The following NUBPL variants were observed in gnomAD, a reference collection of about 807,000 sequenced individuals.
NUBPL encodes iron-sulfur cluster transfer protein NUBPL.
A neutral mutation model predicts 45.7 loss-of-function variants in NUBPL; 31 were observed. That is an observed-to-expected ratio of 0.68 (90% CI 0.51 to 0.92). The LOEUF is 0.92. Among genes scored for constraint, NUBPL ranks in the 40% least tolerant of loss-of-function variants. The pLI, the probability that NUBPL is intolerant of heterozygous loss-of-function variation, is 0.00. For synonymous variants in NUBPL, 144 were observed against 140.9 expected, an observed-to-expected ratio of 1.02 and a Z score of -0.15; for missense variants, 401 against 398.7, an observed-to-expected ratio of 1.01 and a Z score of -0.05.
intron 6 of NUBPL, among the ~76,000 whole-genome samples, chr14:31,680,463 C>T (rs909501879): frequency 5.9e-5 from 9 of 152,026 alleles, no homozygotes; most frequent in African/African-American, 1.9e-4. Context: ...ATGCTTTTCC[C>T]TTACCACTTA....
Position 31,643,579 on chromosome 14 carries a change from A to G in NUBPL, c.383-29776A>G, listed in dbSNP as rs377245913. Among the ~76,000 whole-genome samples the G allele has an allele frequency of 1.4e-4, 21 of 152,130 alleles. No homozygotes were observed. The East Asian group carries it at 2.3e-3, about 17-fold the overall frequency. On this transcript the variant is annotated intron_variant, in intron 4 of 10. Transcript: ENST00000281081. ...TATTTTGTTGAGGATTTTTGCATCT[A>G]TGTTCATTAGTGTTGTTGGGTCTAT...
intron 6 of NUBPL, among the ~76,000 whole-genome samples, chr14:31,723,176 C>T (rs2037849617): frequency 6.6e-6 from 1 of 152,124 alleles, no homozygotes. Context: ...GCCAGTTATC[C>T]CAGCACTGTT....
At chr14:31,821,449 T>C (rs561687369) in intron 7 of NUBPL, among the ~76,000 whole-genome samples, 21 of 152,318 alleles carry the variant, frequency 1.4e-4, no homozygotes, top group African/African-American at 3.8e-4. Context: ...CTCAGAATCA[T>C]TGATAATCAG....
chr14:31,627,506 C>T (rs1043036110), intron 4 of NUBPL, among the ~76,000 whole-genome samples: 2 of 151,998 alleles, frequency 1.3e-5, no homozygotes, highest in East Asian at 3.9e-4. Context: ...TGGCCGGGCA[C>T]GGTGGCTCAC....
intron 3 of NUBPL, among the ~76,000 whole-genome samples, chr14:31,579,313 GCTTA>G (rs774087368): frequency 6.6e-6 from 1 of 152,142 alleles, no homozygotes; most frequent in Non-Finnish European, 1.5e-5. Context: ...TAAAAATACA[GCTTA>G]CTTAAGGAGG....
chr14:31,818,319 T>C (rs1045683509), intron 7 of NUBPL, among the ~76,000 whole-genome samples: 3 of 152,140 alleles, frequency 2.0e-5, no homozygotes, highest in African/African-American at 7.2e-5. Flanking sequence ...AATAGACATC[T>C]ACAGAACTCT....
chr14:31,724,341 T>C (rs967499695), intron 6 of NUBPL, among the ~76,000 whole-genome samples: 1 of 152,178 alleles, frequency 6.6e-6, no homozygotes, highest in South Asian at 2.1e-4. Context: ...AAAATCACTT[T>C]AAAGGAAAAA....
At chr14:31,851,779 C>A (rs1040111803) in intron 10 of NUBPL, among the ~76,000 whole-genome samples, 1 of 151,108 alleles carries the variant, frequency 6.6e-6, no homozygotes, top group Admixed American at 6.6e-5. Flanking sequence ...TTTTAAGTGC[C>A]TCCTGAGAAC....
chr14:31,755,131 C>T (rs1400467629), intron 6 of NUBPL, among the ~76,000 whole-genome samples: 2 of 152,128 alleles, frequency 1.3e-5, no homozygotes, highest in East Asian at 3.9e-4. Context: ...CAAATCTTTG[C>T]TATTGTGAAT....
chr14:31,565,984 T>C (rs1044021964), intron 3 of NUBPL, among the ~76,000 whole-genome samples: 2 of 152,104 alleles, frequency 1.3e-5, no homozygotes, highest in Admixed American at 1.3e-4. Flanking sequence ...TGCAACTCCA[T>C]AAATTATCAG....
chr14:31,815,175 A>G (rs1359197163), intron 7 of NUBPL, among the ~76,000 whole-genome samples: 1 of 152,000 alleles, frequency 6.6e-6, no homozygotes. Flanking sequence ...ATGAACATGG[A>G]ATTTTTTTTT....
chr14:31,715,204 T>C (rs1318660142), intron 6 of NUBPL, among the ~76,000 whole-genome samples: 1 of 152,212 alleles, frequency 6.6e-6, no homozygotes, highest in Non-Finnish European at 1.5e-5. Context: ...CTACATTCTC[T>C]TGTGGCGTCT....
At chr14:31,655,875 C>T (rs1484834571) in intron 4 of NUBPL, among the ~76,000 whole-genome samples, 1 of 152,130 alleles carries the variant, frequency 6.6e-6, no homozygotes, top group Non-Finnish European at 1.5e-5. Context: ...CTGCATTAGC[C>T]CCTATTAAGA....
At position 31,562,131 on chromosome 14, in the gene NUBPL, C is replaced by T. The variant is rs776199824; in HGVS notation, c.172C>T (p.Pro58Ser). ...AACACAAATCATGTCCCGAGGACTTCCAAAGCAGAAACCGATAGAAGGTGT... is the reference window on the plus strand; with the variant it reads ...AACACAAATCATGTCCCGAGGACTTTCAAAGCAGAAACCGATAGAAGGTGT... ...RRTQIMSRGL[P>S]KQKPIEGVKQ... Residue 58 changes from proline (P) to serine (S), a missense_variant, in exon 2 of 11, where the codon CCA becomes TCA. Transcript: ENST00000281081. 1.9e-6 allele frequency: 3 copies of T among 1,613,780 alleles called. No individual in the cohort carries two copies. The highest frequency in any genetic ancestry group is 3.3e-5 in the Admixed American group (2 of 60,020).
chr14:31,638,485 T>A (rs529782067), intron 4 of NUBPL, among the ~76,000 whole-genome samples: 6 of 152,000 alleles, frequency 3.9e-5, no homozygotes, highest in African/African-American at 9.7e-5. Flanking sequence ...CTTCCCTTTG[T>A]GGGTAACCCG....
intron 7 of NUBPL, among the ~76,000 whole-genome samples, chr14:31,821,369 T>C (rs552997083): frequency 1.3e-5 from 2 of 152,144 alleles, no homozygotes; most frequent in Non-Finnish European, 2.9e-5. Context: ...TGTTTAAAAA[T>C]TGGCAAAAGA....
intron 6 of NUBPL, among the ~76,000 whole-genome samples, chr14:31,677,988 C>T (rs2036741297): frequency 6.6e-6 from 1 of 152,244 alleles, no homozygotes; most frequent in South Asian, 2.1e-4. Flanking sequence ...TTCTGTTATA[C>T]TGCTGCTGAG....
At chr14:31,841,796 G>T (rs557580293) in intron 8 of NUBPL, among the ~76,000 whole-genome samples, 14 of 151,432 alleles carry the variant, frequency 9.2e-5, no homozygotes, top group Admixed American at 8.6e-4. Flanking sequence ...ATTAATTGTT[G>T]TGTATGGAAT....
chr14:31,723,503 C>A (rs2139955751), intron 6 of NUBPL, among the ~76,000 whole-genome samples: 1 of 152,238 alleles, frequency 6.6e-6, no homozygotes, highest in South Asian at 2.1e-4. Flanking sequence ...TTTGATAAGA[C>A]TGCCATTGAA....
Sources: gnomAD v4.1 joint callset for allele counts (sites outside exome capture counted in the v4.1 genomes callset) on GRCh38, gnomAD v4.1.1 for gene constraint, MANE v1.5 for transcripts, NCBI Gene and HGNC (gene_info 2026-07-23, HGNC 2026-07-21) for gene names.